Variants in TYK2 observed in about 807,000 individuals in gnomAD.
The protein encoded by TYK2 is tyrosine kinase 2.
In TYK2, 65 loss-of-function variants were observed where a neutral mutation model predicts 130.9. That is an observed-to-expected ratio of 0.50 (90% CI 0.41 to 0.61). The LOEUF is 0.61. TYK2 is among the 20% of genes least tolerant of loss of function. The pLI is 0.00. For synonymous variants in TYK2, 647 were observed against 658.9 expected (o/e 0.98, Z 0.28); for missense variants, 1,378 against 1,610.7 (o/e 0.86, Z 2.47).
intron 22 of TYK2, 93 bp downstream of exon 22, chr19:10,352,833 C>T: frequency 6.9e-7 from 1 of 1,455,894 alleles, no homozygotes; most frequent in Non-Finnish European, 9.2e-7. Context: ...TCACTGGGAT[C>T]ATGCCCTATC....
At chr19:10,356,441 G>A in intron 18 of TYK2, 127 bp downstream of exon 18, 2 of 1,172,184 alleles carry the variant, frequency 1.7e-6, no homozygotes, top group Non-Finnish European at 2.5e-6. Flanking sequence ...GCTTATGAAT[G>A]CCACTGCAAG....
intron 6 of TYK2, 47 bp downstream of exon 6, chr19:10,366,370 G>C (rs1186130562): frequency 1.3e-6 from 2 of 1,588,572 alleles, no homozygotes. Context: ...AGATGCTCAG[G>C]ACATTTCCCC....
rs12720225 is a variant in TYK2, at chr19:10,378,097, G to A, written c.193+117C>T. 2,595 of 1,010,140 alleles carry A rather than the reference G, an allele frequency of 2.6e-3. 54 individuals are homozygous for A. The African/African-American group carries it at 0.041, about 16-fold the overall frequency. The allele number at this position is 1,010,140 out of a possible 1,614,324, so 62.6% of individuals were successfully genotyped here. A position where few individuals can be genotyped will look rare whatever the true frequency, so the allele number is the denominator to read the frequency against. On this transcript the variant is annotated intron_variant, in intron 3 of 24. Transcript: ENST00000525621. ...GGATGGGTGGATGGATGGATGGATG[G>A]ATGAGTGGGTGGATGGGTGGGTGGA...
rs1011629589 is a variant in TYK2, at chr19:10,353,980, G to T, written c.2908+62C>A. ...TAGGCCAGACTGGCCCCGCCCACAA[G>T]GCCACACCCACGCTCTAACCACGCC... On this transcript the variant is annotated intron_variant, in intron 20 of 24. Coordinates refer to ENST00000525621, the MANE Select transcript of TYK2 (RefSeq NM_003331.5). This position sits in a 1 kb window ranked among gnomAD's most constrained non-coding sequence, Gnocchi z 6.9. The T allele has an allele frequency of 2.1e-5, 33 of 1,557,510 alleles. No homozygotes were observed. The East Asian group carries it at 3.6e-4, about 17-fold the overall frequency.
chr19:10,371,329 T>C (rs2041899633), intron 3 of TYK2, among the ~76,000 whole-genome samples: 1 of 151,542 alleles, frequency 6.6e-6, no homozygotes, highest in Admixed American at 6.6e-5. Flanking sequence ...TCATATCCTC[T>C]ACAATCTAGC....
intron 2 of TYK2, among the ~76,000 whole-genome samples, chr19:10,379,122 G>A (rs1470598710): frequency 2.0e-5 from 3 of 151,730 alleles, no homozygotes; most frequent in African/African-American, 7.2e-5. Context: ...GCCTCCCAAA[G>A]TGCTGGGATT....
intron 19 of TYK2, 128 bp from the exon 20 acceptor site, chr19:10,354,362 C>G: frequency 7.4e-7 from 1 of 1,348,850 alleles, no homozygotes; most frequent in Admixed American, 1.9e-5. Context: ...CTACTCCGCT[C>G]TATTAAGACT....
chr19:10,361,182 T>C lies in TYK2; in HGVS notation c.2047+329A>G. 5.6e-6 allele frequency: 3 copies of C among 537,820 alleles called. No individual in the cohort carries two copies. The South Asian group carries it at 5.6e-5, about 10-fold the overall frequency. The allele number at this position is 537,820 out of a possible 1,614,324, so 33.3% of individuals were successfully genotyped here. A position where few individuals can be genotyped will look rare whatever the true frequency, so the allele number is the denominator to read the frequency against. On this transcript the variant is annotated intron_variant, in intron 14 of 24. Transcript: ENST00000525621. This position sits in a 1 kb window ranked among gnomAD's most constrained non-coding sequence, Gnocchi z 4.0. Reference sequence around the variant, plus strand: ...TGGAGTCTGCCTGAGGCCATAGTGCTGATGGGGCCAGGAGCAGATGGGGGC... The same window carrying C: ...TGGAGTCTGCCTGAGGCCATAGTGCCGATGGGGCCAGGAGCAGATGGGGGC...
intron 5 of TYK2, among the ~76,000 whole-genome samples, chr19:10,367,818 G>A (rs1477303388): frequency 6.6e-6 from 1 of 151,590 alleles, no homozygotes; most frequent in African/African-American, 2.4e-5. Context: ...TACTTGGGAG[G>A]CTGAGGCAGG....
At chr19:10,363,248 G>A (rs994177476) in intron 9 of TYK2, among the ~76,000 whole-genome samples, 10 of 149,694 alleles carry the variant, frequency 6.7e-5, no homozygotes, top group African/African-American at 1.5e-4. Flanking sequence ...GGAGTGCAGC[G>A]GTGCAATCTT....
chr19:10,354,300 T>A, intron 19 of TYK2, 66 bp from the exon 20 acceptor site: 1 of 1,575,178 alleles, frequency 6.3e-7, no homozygotes, highest in Non-Finnish European at 8.6e-7. Context: ...CAACCCCCGA[T>A]TTCCCGGGCC....
Position 10,371,840 on chromosome 19 carries a change from C to T in TYK2, c.194-3422G>A, listed in dbSNP as rs2041917459. Reference sequence around the variant, plus strand: ...ACTTAGGCAGTCTCTTATTGAGGGACTTTGCAATGGTCTCCCCTTTTCCAT... The same window carrying T: ...ACTTAGGCAGTCTCTTATTGAGGGATTTTGCAATGGTCTCCCCTTTTCCAT... On this transcript the variant is annotated intron_variant, in intron 3 of 24. Transcript: ENST00000525621. Among the ~76,000 whole-genome samples the T allele has an allele frequency of 2.6e-5, 4 of 152,222 alleles. 1 individual carries two copies. In the South Asian group the frequency reaches 8.3e-4, roughly 32 times the overall value.
chr19:10,353,949 A>C lies in TYK2; in HGVS notation c.2908+93T>G. On this transcript the variant is annotated intron_variant, in intron 20 of 24. Transcript: ENST00000525621. The surrounding 1 kb of genome is among the most constrained non-coding windows in gnomAD (Gnocchi z 6.9). ...TGCAGCCTGGGGTTGAGAGTCTCTA[A>C]TTGGCTAGGCCAGACTGGCCCCGCC... is the stretch of plus-strand genomic sequence containing the variant. 7.4e-7 allele frequency: 1 copy of C among 1,360,012 alleles called. No homozygotes were observed. The allele number at this position is 1,360,012 out of a possible 1,614,324, so 84.2% of individuals were successfully genotyped here.
At chr19:10,375,650 C>T (rs566943259) in intron 3 of TYK2, among the ~76,000 whole-genome samples, 1 of 151,656 alleles carries the variant, frequency 6.6e-6, no homozygotes, top group East Asian at 1.9e-4. Context: ...GGCATGGTGG[C>T]TCACACCTGT....
intron 3 of TYK2, among the ~76,000 whole-genome samples, chr19:10,374,584 CAA>C (rs1278364077): frequency 0.21 from 10,334 of 49,040 alleles, 178 homozygotes; most frequent in Non-Finnish European, 0.24. Flanking sequence ...GACTCCGTCT[CAA>C]AAAAAAAAAA....
At chr19:10,377,472 G>A (rs1313826410) in intron 3 of TYK2, among the ~76,000 whole-genome samples, 1 of 115,336 alleles carries the variant, frequency 8.7e-6, no homozygotes, top group African/African-American at 3.3e-5. Flanking sequence ...GGATGGATGG[G>A]TGGGTGGATG....
At chr19:10,356,116 C>T (rs879919231) in intron 18 of TYK2, among the ~76,000 whole-genome samples, 2 of 151,780 alleles carry the variant, frequency 1.3e-5, no homozygotes, top group East Asian at 2.0e-4. Context: ...CAGTGGCTCA[C>T]GCCTGTAATC....
chr19:10,367,277 A>G (rs368532177), intron 5 of TYK2, among the ~76,000 whole-genome samples: 2 of 152,082 alleles, frequency 1.3e-5, no homozygotes, highest in East Asian at 1.9e-4. Context: ...TCCTCTTGTC[A>G]ATCTTGTGCC....
At chr19:10,352,359 A>G in intron 23 of TYK2, 75 bp downstream of exon 23, 1 of 1,022,730 alleles carries the variant, frequency 9.8e-7, no homozygotes, top group South Asian at 1.3e-5. Context: ...GGCTTGAGCC[A>G]CCGCGCCTGG....
Sources: gnomAD v4.1 joint callset for allele counts (sites outside exome capture counted in the v4.1 genomes callset) on GRCh38, gnomAD v4.1.1 for gene constraint, Gnocchi (gnomAD v3.1) non-coding constraint, MANE v1.5 for transcripts, NCBI Gene and HGNC (gene_info 2026-07-23, HGNC 2026-07-21) for gene names.